PREP: variants seen among roughly 807,000 people sequenced by gnomAD.
PREP encodes dJ355L5.1 (prolyl endopeptidase).
PREP carries 29 observed loss-of-function variants against 87.6 expected under a neutral mutation model. That is an observed-to-expected ratio of 0.33 (90% confidence interval 0.25 to 0.45). The LOEUF (loss-of-function observed/expected upper bound fraction) is 0.45, where lower values mean the gene tolerates loss of function less well. Ranked by LOEUF, PREP falls within the 20% of genes least tolerant of loss-of-function variation. PREP has a pLI of 1.00. For missense variants in PREP, 695 were observed against 886.5 expected (o/e 0.78, Z 2.74); for synonymous variants, 337 against 328.6 (o/e 1.03, Z -0.28).
Position 105,350,564 on chromosome 6 carries a change from T to C in PREP, c.823+2408A>G, listed in dbSNP as rs1011029275. Among the ~76,000 whole-genome samples the C allele has an allele frequency of 3.3e-5, 5 of 152,212 alleles. No homozygotes were observed. In the East Asian group the frequency reaches 5.8e-4, roughly 18 times the overall value. On this transcript the variant is annotated intron_variant, in intron 7 of 14. Coordinates refer to ENST00000652536, the MANE Select transcript of PREP (RefSeq NM_002726.5). ...GACTAAATTTACTTAATCTTTTCAATAGTAAAACAATCACACAAAATACTT... is the reference window on the plus strand; with the variant it reads ...GACTAAATTTACTTAATCTTTTCAACAGTAAAACAATCACACAAAATACTT...
At chr6:105,356,949 G>T (rs184843984) in intron 6 of PREP, among the ~76,000 whole-genome samples, 20 of 152,136 alleles carry the variant, frequency 1.3e-4, no homozygotes, top group African/African-American at 4.8e-4. Flanking sequence ...CTGAGGTACT[G>T]GCTTCCACAT....
chr6:105,348,091 A>G (rs1255538477), intron 7 of PREP, among the ~76,000 whole-genome samples: 1 of 152,170 alleles, frequency 6.6e-6, no homozygotes, highest in African/African-American at 2.4e-5. Flanking sequence ...GAACTAAAAA[A>G]CGTCATGCTA....
chr6:105,275,896 G>A lies in PREP; in HGVS notation c.*2248C>T, dbSNP rs1378656334. ...AGCTAAAAAAGCAGGCAGAGAAAGGGAGGATGAAGAGATTAATGCCTACAA... is the reference window on the plus strand; with the variant it reads ...AGCTAAAAAAGCAGGCAGAGAAAGGAAGGATGAAGAGATTAATGCCTACAA... On this transcript the variant is annotated 3_prime_UTR_variant, in exon 15 of 15. Coordinates refer to ENST00000652536, the MANE Select transcript of PREP (RefSeq NM_002726.5). Among the ~76,000 whole-genome samples, 1 of 152,226 alleles carries A rather than the reference G, an allele frequency of 6.6e-6. No homozygotes were observed. The highest frequency in any genetic ancestry group is 1.5e-5 in the Non-Finnish European group (1 of 68,046).
intron 2 of PREP, among the ~76,000 whole-genome samples, chr6:105,379,272 A>G (rs186162434): frequency 6.6e-6 from 1 of 152,194 alleles, no homozygotes; most frequent in African/African-American, 2.4e-5. Context: ...GAGGGGAAAA[A>G]CCAACAGAGA....
At chr6:105,327,581 G>A (rs1215631824) in intron 9 of PREP, among the ~76,000 whole-genome samples, 2 of 152,100 alleles carry the variant, frequency 1.3e-5, no homozygotes, top group African/African-American at 4.8e-5. Context: ...TGACTCAGAG[G>A]CTCAAAATAA....
intron 10 of PREP, among the ~76,000 whole-genome samples, chr6:105,320,172 G>A (rs551883018): frequency 6.6e-6 from 1 of 152,162 alleles, no homozygotes; most frequent in Non-Finnish European, 1.5e-5. Flanking sequence ...TCAATATTAC[G>A]TGGTTGTATC....
intron 1 of PREP, 141 bp from the exon 2 acceptor site, chr6:105,398,068 C>A: frequency 1.6e-6 from 1 of 643,228 alleles, no homozygotes; most frequent in South Asian, 2.1e-5. Flanking sequence ...GCCCAAATTA[C>A]CACATGAACC....
intron 1 of PREP, among the ~76,000 whole-genome samples, chr6:105,401,181 G>A (rs1562232543): frequency 6.6e-6 from 1 of 152,184 alleles, no homozygotes; most frequent in Non-Finnish European, 1.5e-5. Context: ...AACCTTTCAT[G>A]AAATATCAAA....
At chr6:105,285,868 C>T (rs566722765) in intron 11 of PREP, among the ~76,000 whole-genome samples, 24 of 152,270 alleles carry the variant, frequency 1.6e-4, no homozygotes, top group Non-Finnish European at 2.5e-4. Context: ...CTCCACCTTC[C>T]GGGCTCAAGT....
intron 10 of PREP, among the ~76,000 whole-genome samples, chr6:105,291,610 G>C (rs571108931): frequency 6.6e-6 from 1 of 152,026 alleles, no homozygotes; most frequent in Non-Finnish European, 1.5e-5. Flanking sequence ...CTCAAACATC[G>C]GACTCCAGGT....
chr6:105,285,247 A>T (rs192667556), intron 12 of PREP, among the ~76,000 whole-genome samples: 1 of 152,244 alleles, frequency 6.6e-6, no homozygotes, highest in African/African-American at 2.4e-5. Context: ...ATAACAAGGA[A>T]TGCTTCTGAA....
At chr6:105,343,684 AT>A (rs1346407299) in intron 7 of PREP, among the ~76,000 whole-genome samples, 8 of 121,996 alleles carry the variant, frequency 6.6e-5, no homozygotes, top group Non-Finnish European at 9.2e-5. Context: ...CAATAAAAAA[AT>A]CAACCCCATC....
chr6:105,401,485 A>T (rs1335495978), intron 1 of PREP, among the ~76,000 whole-genome samples: 1 of 152,246 alleles, frequency 6.6e-6, no homozygotes, highest in Admixed American at 6.5e-5. Context: ...AAGGCCCATA[A>T]CAGGTAAAAG....
rs1771174535 is a variant in PREP, at chr6:105,326,905, T to C, written c.1213+1924A>G. ...CAGAACGAGGAACACACTTCTCTTT[T>C]CAAATTTCACAGCCACAGTCACGGG... On this transcript the variant is annotated intron_variant, in intron 9 of 14. Coordinates refer to ENST00000652536, the MANE Select transcript of PREP (RefSeq NM_002726.5). 2.0e-5 allele frequency among the ~76,000 whole-genome samples: 3 copies of C among 152,326 alleles called. No homozygotes were observed. The South Asian group carries it at 6.2e-4, about 32-fold the overall frequency.
Position 105,277,915 on chromosome 6 carries a change from C to CA in PREP, c.*228dup, listed in dbSNP as rs1312880544. 4.3e-5 allele frequency: 26 copies of CA among 599,734 alleles called. No individual in the cohort carries two copies. Among genetic ancestry groups the CA allele is most frequent in the South Asian group, 9.8e-5 (4 of 40,854 alleles). 37.2% of individuals were successfully genotyped at this position (599,734 alleles called of 1,614,324 possible). On this transcript the variant is annotated 3_prime_UTR_variant, in exon 15 of 15. Coordinates refer to ENST00000652536, the MANE Select transcript of PREP (RefSeq NM_002726.5). ...CCCAACATGCCCTTAAAAAAAACAC[C>CA]AAAAAACCACATGTGCCTAGACAGG... is the stretch of plus-strand genomic sequence containing the variant.
At chr6:105,311,350 C>G (rs1488970289) in intron 10 of PREP, among the ~76,000 whole-genome samples, 1 of 152,170 alleles carries the variant, frequency 6.6e-6, no homozygotes, top group Admixed American at 6.5e-5. Flanking sequence ...TTCATCCACT[C>G]CCCCCTTACT....
intron 8 of PREP, 99 bp from the exon 9 acceptor site, chr6:105,329,125 C>A: frequency 8.9e-7 from 1 of 1,120,134 alleles, no homozygotes; most frequent in South Asian, 1.4e-5. Context: ...TAGGGCTATG[C>A]AGCAATGAGA....
chr6:105,353,501 TG>T (rs780979858), intron 6 of PREP, among the ~76,000 whole-genome samples: 57 of 152,126 alleles, frequency 3.7e-4, no homozygotes, highest in Non-Finnish European at 1.0e-4. Context: ...CCGGGCGCAG[TG>T]GTTCACGCCT....
rs1289966577 is a variant in PREP, at chr6:105,275,090, C to T, written c.*3054G>A. On this transcript the variant is annotated 3_prime_UTR_variant, in exon 15 of 15. Transcript: ENST00000652536. ...TTCCTCCTTCAAGGGCCTCAGTCCTCATCCCACTGGCCTGACCACCCCAAC... is the reference window on the plus strand; with the variant it reads ...TTCCTCCTTCAAGGGCCTCAGTCCTTATCCCACTGGCCTGACCACCCCAAC... 1.3e-5 allele frequency among the ~76,000 whole-genome samples: 2 copies of T among 152,226 alleles called. No individual in the cohort carries two copies. The highest frequency in any genetic ancestry group is 3.9e-4 in the East Asian group (2 of 5,194).
Sources: allele counts gnomAD v4.1 joint callset (sites outside exome capture counted in the v4.1 genomes callset), GRCh38; gene constraint gnomAD v4.1.1; transcripts MANE v1.5; gene names NCBI Gene and HGNC (gene_info 2026-07-23, HGNC 2026-07-21).